The following DPYS variants were observed in gnomAD, a reference collection of about 807,000 sequenced individuals.
DPYS encodes dihydropyrimidine amidohydrolase.
In DPYS, 39 loss-of-function variants were observed where a neutral mutation model predicts 50.3. The ratio of observed to expected loss-of-function variants is 0.78; its 90% CI spans 0.60 to 1.01. DPYS has a LOEUF of 1.01. Among genes scored for constraint, DPYS ranks in the 50% least tolerant of loss-of-function variants. The pLI is 0.00. For missense variants in DPYS, 659 were observed against 680.9 expected (o/e 0.97, Z 0.36); for synonymous variants, 245 against 250.7 (o/e 0.98, Z 0.22).
chr8:104,409,425 C>T (rs964381025), intron 7 of DPYS, among the ~76,000 whole-genome samples: 8 of 151,870 alleles, frequency 5.3e-5, no homozygotes, highest in African/African-American at 1.9e-4. Context: ...GCAGAGATTG[C>T]AGTGAGCCAA....
intron 8 of DPYS, among the ~76,000 whole-genome samples, chr8:104,387,239 T>C (rs962345708): frequency 6.6e-6 from 1 of 152,184 alleles, no homozygotes; most frequent in Non-Finnish European, 1.5e-5. Context: ...TCTATAACAA[T>C]GAAGATTGGC....
intron 4 of DPYS, among the ~76,000 whole-genome samples, chr8:104,430,517 G>A (rs1254674138): frequency 6.6e-6 from 1 of 152,186 alleles, no homozygotes; most frequent in Non-Finnish European, 1.5e-5. Flanking sequence ...AGAGTGCACA[G>A]TAGAGAGATG....
intron 8 of DPYS, among the ~76,000 whole-genome samples, chr8:104,389,849 A>G (rs1811334978): frequency 6.6e-6 from 1 of 152,244 alleles, no homozygotes; most frequent in Non-Finnish European, 1.5e-5. Flanking sequence ...ATGCCTAAAA[A>G]TTTGATACCA....
chr8:104,452,912 G>A (rs1813800007), intron 1 of DPYS, among the ~76,000 whole-genome samples: 1 of 152,192 alleles, frequency 6.6e-6, no homozygotes, highest in Admixed American at 6.5e-5. Flanking sequence ...TTTATGGGTT[G>A]AGCACTACTA....
chr8:104,426,965 C>T (rs969796731), intron 6 of DPYS, among the ~76,000 whole-genome samples: 3 of 151,976 alleles, frequency 2.0e-5, no homozygotes, highest in Admixed American at 1.3e-4. Context: ...CTTCGGGAGG[C>T]GAAGGCGGGT....
At chr8:104,399,662 G>A (rs573433342) in intron 7 of DPYS, among the ~76,000 whole-genome samples, 1 of 151,968 alleles carries the variant, frequency 6.6e-6, no homozygotes, top group South Asian at 2.1e-4. Flanking sequence ...GAGATCAGGA[G>A]ATTGAGACCA....
chr8:104,383,612 T>G (rs1811125023), intron 8 of DPYS, among the ~76,000 whole-genome samples: 1 of 151,562 alleles, frequency 6.6e-6, no homozygotes. Flanking sequence ...TACTTTTTTT[T>G]TTTTTTCGAG....
intron 1 of DPYS, among the ~76,000 whole-genome samples, chr8:104,459,833 ATCTCCT>A: frequency 6.6e-6 from 1 of 152,248 alleles, no homozygotes; most frequent in East Asian, 1.9e-4. Context: ...TATGTCCCAT[ATCTCCT>A]TCTAAGGGCC....
chr8:104,418,255 T>TA (rs140277504), intron 7 of DPYS, among the ~76,000 whole-genome samples: 3,257 of 152,278 alleles, frequency 0.021, 44 homozygotes, highest in Middle Eastern at 0.092. Context: ...GCTTTCCTGT[T>TA]AGATACTAAC....
intron 7 of DPYS, among the ~76,000 whole-genome samples, chr8:104,423,050 G>T (rs1392166289): frequency 6.6e-6 from 1 of 152,170 alleles, no homozygotes; most frequent in Non-Finnish European, 1.5e-5. Context: ...TATGCAACCA[G>T]ATATTTAGTC....
At chr8:104,435,706 G>C (rs977785562) in intron 4 of DPYS, among the ~76,000 whole-genome samples, 3 of 152,022 alleles carry the variant, frequency 2.0e-5, no homozygotes, top group Non-Finnish European at 4.4e-5. Context: ...AAAATATCAA[G>C]CATGAGCAAA....
At chr8:104,387,417 C>T (rs984386792) in intron 8 of DPYS, among the ~76,000 whole-genome samples, 1 of 152,162 alleles carries the variant, frequency 6.6e-6, no homozygotes, top group African/African-American at 2.4e-5. Flanking sequence ...AGGGCTGGCT[C>T]CTCTGGTAAA....
intron 7 of DPYS, among the ~76,000 whole-genome samples, chr8:104,401,582 T>A (rs1023367186): frequency 6.6e-6 from 1 of 152,164 alleles, no homozygotes; most frequent in Admixed American, 6.5e-5. Context: ...AAGCAGCTTG[T>A]TTCATACTCC....
intron 7 of DPYS, among the ~76,000 whole-genome samples, chr8:104,417,978 C>T (rs1812422309): frequency 6.6e-6 from 1 of 152,220 alleles, no homozygotes; most frequent in South Asian, 2.1e-4. Flanking sequence ...CTGGTCTCCC[C>T]TGGTAACTTT....
intron 1 of DPYS, 53 bp from the exon 2 acceptor site, chr8:104,451,457 C>A (rs1046226954): frequency 6.2e-7 from 1 of 1,609,744 alleles, no homozygotes; most frequent in South Asian, 1.1e-5. Flanking sequence ...CTAGTTAAGT[C>A]ATTTATCATC....
chr8:104,403,652 C>A (rs1209034552), intron 7 of DPYS, among the ~76,000 whole-genome samples: 1 of 152,094 alleles, frequency 6.6e-6, no homozygotes, highest in East Asian at 1.9e-4. Flanking sequence ...ACCTATTTTC[C>A]CTCCATCCCT....
chr8:104,439,000 T>C (rs1288347611), intron 4 of DPYS, among the ~76,000 whole-genome samples: 1 of 151,654 alleles, frequency 6.6e-6, no homozygotes, highest in Non-Finnish European at 1.5e-5. Context: ...GCCCAGGAAA[T>C]TGAGGCTACA....
At chr8:104,426,471 C>T (rs1032330634) in intron 6 of DPYS, among the ~76,000 whole-genome samples, 2 of 152,174 alleles carry the variant, frequency 1.3e-5, no homozygotes, top group African/African-American at 4.8e-5. Flanking sequence ...AAATATGAGC[C>T]TCCAACTAGA....
At chr8:104,461,723 G>T (rs1390088056) in intron 1 of DPYS, among the ~76,000 whole-genome samples, 2 of 152,186 alleles carry the variant, frequency 1.3e-5, no homozygotes, top group African/African-American at 4.8e-5. Flanking sequence ...TATCCAGGTT[G>T]TGATATCCAG....
Sources: gnomAD v4.1 joint callset for allele counts (sites outside exome capture counted in the v4.1 genomes callset) on GRCh38, gnomAD v4.1.1 for gene constraint, MANE v1.5 for transcripts, NCBI Gene and HGNC (gene_info 2026-07-23, HGNC 2026-07-21) for gene names.